Variants in TBC1D8 observed in about 807,000 individuals in gnomAD.
TBC1D8 encodes the protein BUB2-like protein 1.
TBC1D8 carries 65 observed loss-of-function variants against 118.8 expected under a neutral mutation model. The ratio of observed to expected loss-of-function variants is 0.55; its 90% CI spans 0.45 to 0.67. The LOEUF (loss-of-function observed/expected upper bound fraction) is 0.67. Ranked by LOEUF, TBC1D8 falls within the 30% of genes least tolerant of loss-of-function variation. TBC1D8 has a pLI of 0.00. For synonymous variants in TBC1D8, 566 were observed against 595.8 expected, an observed-to-expected ratio of 0.95 and a Z score of 0.73; for missense variants, 1,376 against 1,471.2, an observed-to-expected ratio of 0.94 and a Z score of 1.06.
chr2:101,013,671 T>C (rs1164453259), intron 17 of TBC1D8, among the ~76,000 whole-genome samples: 1 of 152,216 alleles, frequency 6.6e-6, no homozygotes, highest in African/African-American at 2.4e-5. Context: ...ATGGTTTCTA[T>C]TTTCTATATC....
intron 15 of TBC1D8, among the ~76,000 whole-genome samples, chr2:101,025,462 A>G (rs1477522739): frequency 6.6e-6 from 1 of 152,142 alleles, no homozygotes. Context: ...GCTGACCTCA[A>G]GTGATTCGGC....
chr2:101,130,052 C>T (rs1678524547), intron 1 of TBC1D8, among the ~76,000 whole-genome samples: 1 of 152,150 alleles, frequency 6.6e-6, no homozygotes, highest in Admixed American at 6.6e-5. Context: ...CTCCAAGATC[C>T]CAGCAACGAC....
At chr2:101,016,064 T>C (rs1418719376) in intron 17 of TBC1D8, among the ~76,000 whole-genome samples, 1 of 151,858 alleles carries the variant, frequency 6.6e-6, no homozygotes, top group Non-Finnish European at 1.5e-5. Context: ...AAAGCCAAAA[T>C]TGACAAATGG....
rs543501861 is a variant in TBC1D8 at position 101,020,468 on chromosome 2, A to G, written c.2827+1213T>C. On this transcript the variant is annotated intron_variant, in intron 17 of 19. Transcript: ENST00000409318. ...GGGCAGAAAACTTCAGTGATGCTAA[A>G]CAATTTGCATTTATGATCAGTTGAC... 7.6e-4 allele frequency among the ~76,000 whole-genome samples: 116 copies of G among 152,364 alleles called. 1 individual carries two copies. The highest frequency in any genetic ancestry group is 2.1e-4 in the South Asian group (1 of 4,832).
chr2:101,127,337 G>GAA (rs529661320), intron 1 of TBC1D8, among the ~76,000 whole-genome samples: 13 of 122,662 alleles, frequency 1.1e-4, no homozygotes, highest in Admixed American at 2.6e-4. Context: ...CTTCATCTCA[G>GAA]AAAAAAAAAA....
At position 101,028,066 on chromosome 2, in the gene TBC1D8, G is replaced by T. The variant is rs1258950901; in HGVS notation, c.2433C>A (p.Asp811Glu). 6.2e-7 allele frequency: 1 copy of T among 1,613,996 alleles called. No homozygotes were observed. Among genetic ancestry groups the T allele is most frequent in the South Asian group, 1.1e-5 (1 of 91,078 alleles). The change falls in exon 14 of 20, where the codon GAC becomes GAA. Residue 811 changes from aspartate to glutamate, a missense_variant. By Grantham distance (45) the Asp-to-Glu change is conservative. Coordinates refer to ENST00000409318, the MANE Select transcript of TBC1D8 (RefSeq NM_001330348.2). ...HRIRVLQGHE[D>E]TTKQNVLRVV... ...TACCCACCACGTTCTGCTTTGTGGTGTCCTCGTGGCCTTGGAGGACCCTGA... is the reference window on the plus strand; with the variant it reads ...TACCCACCACGTTCTGCTTTGTGGTTTCCTCGTGGCCTTGGAGGACCCTGA...
chr2:101,113,457 A>G (rs1677692492), intron 1 of TBC1D8, among the ~76,000 whole-genome samples: 1 of 152,186 alleles, frequency 6.6e-6, no homozygotes. Flanking sequence ...TTGTTTCATG[A>G]TCAGAGACAG....
chr2:101,086,244 T>C (rs1489570816), intron 2 of TBC1D8, among the ~76,000 whole-genome samples: 1 of 151,136 alleles, frequency 6.6e-6, no homozygotes, highest in Non-Finnish European at 1.5e-5. Flanking sequence ...AAAAGAGTTA[T>C]GAGCTGAATG....
At chr2:101,037,454 TGA>T (rs1215614496) in intron 8 of TBC1D8, 76 bp downstream of exon 8, 9 of 1,549,576 alleles carry the variant, frequency 5.8e-6, no homozygotes, top group Admixed American at 4.0e-5. Context: ...CGTTCCATGG[TGA>T]CTCAGACAGC....
intron 1 of TBC1D8, among the ~76,000 whole-genome samples, chr2:101,098,418 T>C (rs1018663255): frequency 1.3e-4 from 20 of 151,528 alleles, no homozygotes; most frequent in African/African-American, 4.8e-4. Flanking sequence ...CAAACAATAG[T>C]GGGAGATTAT....
At chr2:101,147,136 C>T (rs1410065852) in intron 1 of TBC1D8, among the ~76,000 whole-genome samples, 2 of 152,128 alleles carry the variant, frequency 1.3e-5, no homozygotes, top group African/African-American at 4.8e-5. Context: ...ACCATGTTGT[C>T]GCAAATGATA....
Position 101,056,214 on chromosome 2 carries a change from T to A in TBC1D8, c.403-1878A>T, listed in dbSNP as rs1212873070. On this transcript the variant is annotated intron_variant, in intron 3 of 19. Coordinates refer to ENST00000409318, the MANE Select transcript of TBC1D8 (RefSeq NM_001330348.2). ...TGTAAAATTATTATTATTATTTTTT[T>A]TTTTTTTTTGAGACAGTCTCGCTCT... Among the ~76,000 whole-genome samples, 322 of 60,938 alleles carry A rather than the reference T, an allele frequency of 5.3e-3. 1 individual carries two copies. Among genetic ancestry groups the A allele is most frequent in the African/African-American group, 0.014 (308 of 22,258 alleles). 40.0% of individuals were successfully genotyped at this position (60,938 alleles called of 152,430 possible). A position where few individuals can be genotyped will look rare whatever the true frequency, so the allele number is the denominator to read the frequency against.
At chr2:101,010,848 C>CG in intron 19 of TBC1D8, 81 bp downstream of exon 19, 2 of 1,245,560 alleles carry the variant, frequency 1.6e-6, no homozygotes, top group East Asian at 4.7e-5. Flanking sequence ...CGCCACTGTA[C>CG]TCCAGCCTGG....
chr2:101,022,349 C>T lies in TBC1D8; in HGVS notation c.2693G>A (p.Arg898Lys). ...CGAHTEILAERTFRLLDDNMD... is the reference protein window; with the variant it reads ...CGAHTEILAEKTFRLLDDNMD... ...GTTGTCATCCAAGAGCCTGAACGTCCTTTCGGCGAGGATCTCCGTGTGGGC... is the reference window on the plus strand; with the variant it reads ...GTTGTCATCCAAGAGCCTGAACGTCTTTTCGGCGAGGATCTCCGTGTGGGC... Residue 898 changes from arginine to lysine, a missense_variant, in exon 16 of 20, where the codon AGG (arginine) becomes AAG (lysine). Physicochemically the swap from Arg to Lys is conservative, Grantham distance 26. Transcript: ENST00000409318. The T allele has an allele frequency of 6.2e-7, 1 of 1,612,538 alleles. No homozygotes were observed. The highest frequency in any genetic ancestry group is 8.5e-7 in the Non-Finnish European group (1 of 1,179,558).
intron 1 of TBC1D8, among the ~76,000 whole-genome samples, chr2:101,099,510 C>T (rs991811837): frequency 2.0e-5 from 3 of 152,076 alleles, no homozygotes; most frequent in African/African-American, 4.8e-5. Flanking sequence ...ACTCATTTTA[C>T]GAAGCCAGCA....
intron 5 of TBC1D8, among the ~76,000 whole-genome samples, chr2:101,042,779 T>C (rs904436330): frequency 1.5e-4 from 23 of 152,284 alleles, no homozygotes; most frequent in Non-Finnish European, 2.8e-4. Flanking sequence ...CTATTTTCTT[T>C]AGGGAAAAGT....
In TBC1D8 at chr2:101,050,461, AGCAGCCTTC is replaced by A. The variant is rs1681996541; in HGVS notation, c.803_811del (p.Arg268_Leu270del). ...GTCGAGGTCAAAGACCTCATTATCC[AGCAGCCTTC>A]GCAGCGTCACGTCGGCCAGCTGCTC... On this transcript the variant is annotated inframe_deletion, in exon 5 of 20. Transcript: ENST00000409318. 8 of 1,613,960 alleles carry A rather than the reference AGCAGCCTTC, an allele frequency of 5.0e-6. No homozygotes were observed. Among genetic ancestry groups the A allele is most frequent in the Non-Finnish European group, 6.8e-6 (8 of 1,179,878 alleles).
intron 2 of TBC1D8, among the ~76,000 whole-genome samples, chr2:101,081,416 A>C (rs1474129870): frequency 6.6e-6 from 1 of 152,170 alleles, no homozygotes; most frequent in Non-Finnish European, 1.5e-5. Context: ...GCTACATAAA[A>C]ACCTTGCACT....
rs771022475 is a variant in TBC1D8, at chr2:101,029,550, G to A, written c.2163C>T (p.Ala721=). Residue 721 remains alanine (A), a synonymous_variant, in exon 12 of 20, where the codon GCC becomes GCT. Coordinates refer to ENST00000409318, the MANE Select transcript of TBC1D8 (RefSeq NM_001330348.2). ...IFQLGLAVLE[A]NAEDLCSSKD... is the part of the protein sequence containing the mutation. ...TGCTGCTGCACAGGTCCTCAGCATT[G>A]GCCTCAAGCACAGCCAGTCCCAGCT... 11 of 1,613,980 alleles carry A rather than the reference G, an allele frequency of 6.8e-6. No individual in the cohort carries two copies. The highest frequency in any genetic ancestry group is 6.7e-5 in the Admixed American group (4 of 60,016).
Sources: allele counts gnomAD v4.1 joint callset (sites outside exome capture counted in the v4.1 genomes callset), GRCh38; gene constraint gnomAD v4.1.1; transcripts MANE v1.5; gene names NCBI Gene and HGNC (gene_info 2026-07-23, HGNC 2026-07-21).